Variants in PLAGL1 observed in about 807,000 individuals in gnomAD.
The protein encoded by PLAGL1 is zinc finger protein PLAGL1.
In PLAGL1, 1 loss-of-function variant was observed where a neutral mutation model predicts 4.6. The ratio of observed to expected loss-of-function variants is 0.22; its 90% CI spans 0.08 to 1.03. PLAGL1 has a LOEUF of 1.03. Among genes scored for constraint, PLAGL1 ranks in the 50% least tolerant of loss-of-function variants. The probability of loss-of-function intolerance (pLI) is 0.58; values close to 1 mark genes in which losing one functional copy is unlikely to be tolerated. For missense variants in PLAGL1, 464 were observed against 570.4 expected, an observed-to-expected ratio of 0.81 and a Z score of 1.90; for synonymous variants, 240 against 237.8, an observed-to-expected ratio of 1.01 and a Z score of -0.08.
upstream of PLAGL1, among the ~76,000 whole-genome samples, chr6:144,009,137 T>C (rs762980769): frequency 1.3e-5 from 2 of 152,204 alleles, no homozygotes; most frequent in Non-Finnish European, 2.9e-5. Context: ...TGAGGTTAAT[T>C]AGCATCATAC....
rs1450273636 is a variant in PLAGL1, at chr6:143,989,620, A to G, written c.-583-4446T>C. Among the ~76,000 whole-genome samples the G allele has an allele frequency of 6.6e-6, 1 of 152,188 alleles. No individual in the cohort carries two copies. Among genetic ancestry groups the G allele is most frequent in the African/African-American group, 2.4e-5 (1 of 41,448 alleles). On this transcript the variant is annotated intron_variant, in intron 1 of 7. Transcript: ENST00000674357. This position sits in a 1 kb window ranked among gnomAD's most constrained non-coding sequence, Gnocchi z 4.8. ...ACACCACCAGCTTTCCCGAGTCTCC[A>G]GCTTGCAGACAGTTGACTGTGGGAT...
chr6:143,946,359 C>G (rs1159933710), intron 7 of PLAGL1, among the ~76,000 whole-genome samples: 1 of 152,204 alleles, frequency 6.6e-6, no homozygotes, highest in East Asian at 1.9e-4. Flanking sequence ...CTCACTGTGA[C>G]TCAGTTGCAG....
At chr6:144,009,004 A>G (rs1339395819), upstream of PLAGL1, among the ~76,000 whole-genome samples, 2 of 152,176 alleles carry the variant, frequency 1.3e-5, no homozygotes, top group Non-Finnish European at 2.9e-5. Context: ...GGGAATCTCT[A>G]TTGCTTTCTT....
chr6:143,972,416 T>C lies in PLAGL1; in HGVS notation c.-543-3438A>G, dbSNP rs77222227. Among the ~76,000 whole-genome samples, 1,017 of 152,284 alleles carry C rather than the reference T, an allele frequency of 6.7e-3. 42 individuals are homozygous for C. In the East Asian group the frequency reaches 0.11, roughly 17 times the overall value. On this transcript the variant is annotated intron_variant, in intron 2 of 7. Coordinates refer to ENST00000674357, the MANE Select transcript of PLAGL1 (RefSeq NM_001317162.2). This position sits in a 1 kb window ranked among gnomAD's most constrained non-coding sequence, Gnocchi z 6.8. ...GAGGGGAGATGTGAAAGAAGGTATC[T>C]CAGAGATGTTTCCTTGTGATAATCT...
Position 143,963,909 on chromosome 6 carries a change from C to T in PLAGL1, c.-399+878G>A, listed in dbSNP as rs1479031059. Among the ~76,000 whole-genome samples, 2 of 152,190 alleles carry T rather than the reference C, an allele frequency of 1.3e-5. No individual in the cohort carries two copies. The highest frequency in any genetic ancestry group is 2.4e-5 in the African/African-American group (1 of 41,440). ...TAGCTCATTTAAAACAGGTGGCAGG[C>T]TTTGTAATCCCTTGTATTTTCATCC... On this transcript the variant is annotated intron_variant, in intron 5 of 7. Coordinates refer to ENST00000674357, the MANE Select transcript of PLAGL1 (RefSeq NM_001317162.2). This position sits in a 1 kb window ranked among gnomAD's most constrained non-coding sequence, Gnocchi z 6.1.
In PLAGL1 at chr6:144,028,725, G is replaced by A. The variant is rs190267855; in HGVS notation, c.-151+35743C>T. 2.1e-3 allele frequency among the ~76,000 whole-genome samples: 320 copies of A among 152,268 alleles called. 2 individuals are homozygous for A. Among genetic ancestry groups the A allele is most frequent in the Admixed American group, 3.7e-3 (57 of 15,296 alleles). On this transcript the variant is annotated intron_variant, in intron 1 of 3. Transcript: ENST00000437412. ...TCTTTGCTCTACTTTTGGCTGCTGAGGGTGTAGAGAATGTCAAATACTCAA... is the reference window on the plus strand; with the variant it reads ...TCTTTGCTCTACTTTTGGCTGCTGAAGGTGTAGAGAATGTCAAATACTCAA...
intron 1 of PLAGL1, chr6:144,037,380 C>T (rs1045325709): frequency 5.5e-5 from 8 of 146,194 alleles, no homozygotes; most frequent in African/African-American, 2.1e-4. Flanking sequence ...GAATTCCAGA[C>T]CAGCCTGGAC....
intron 1 of PLAGL1, among the ~76,000 whole-genome samples, chr6:144,042,631 T>G (rs1162552020): frequency 2.0e-5 from 3 of 152,346 alleles, no homozygotes; most frequent in Non-Finnish European, 2.9e-5. Flanking sequence ...TTGTTCTTTT[T>G]GCTTAGGATT....
rs1480137725 is a variant in PLAGL1, at chr6:143,963,166, T to C, written c.-399+1621A>G. Among the ~76,000 whole-genome samples, 1 of 152,200 alleles carries C rather than the reference T, an allele frequency of 6.6e-6. No individual in the cohort carries two copies. Among genetic ancestry groups the C allele is most frequent in the African/African-American group, 2.4e-5 (1 of 41,440 alleles). On this transcript the variant is annotated intron_variant, in intron 5 of 7. Coordinates refer to ENST00000674357, the MANE Select transcript of PLAGL1 (RefSeq NM_001317162.2). This position sits in a 1 kb window ranked among gnomAD's most constrained non-coding sequence, Gnocchi z 6.1. ...GATTTGTGGGCCTGGCAGCTGGTCT[T>C]CTACCTTCTCACATTAATACATGAT...
At chr6:144,001,703 C>T (rs948252293) in intron 1 of PLAGL1, among the ~76,000 whole-genome samples, 15 of 152,128 alleles carry the variant, frequency 9.9e-5, no homozygotes, top group South Asian at 6.2e-4. Flanking sequence ...ACCATCTTGC[C>T]ATGTGATCAA....
At chr6:144,052,371 A>T (rs1241291924) in intron 1 of PLAGL1, among the ~76,000 whole-genome samples, 1 of 152,236 alleles carries the variant, frequency 6.6e-6, no homozygotes, top group Admixed American at 6.5e-5. Context: ...GCAGTGTGAT[A>T]CAAAGAATAG....
intron 1 of PLAGL1, among the ~76,000 whole-genome samples, chr6:143,988,948 T>C (rs1237054248): frequency 6.6e-6 from 1 of 152,190 alleles, no homozygotes; most frequent in Non-Finnish European, 1.5e-5. Context: ...ACACATTCAG[T>C]TCATTGCAAT....
At chr6:144,003,093 C>A (rs1257077968) in intron 1 of PLAGL1, among the ~76,000 whole-genome samples, 1 of 151,838 alleles carries the variant, frequency 6.6e-6, no homozygotes, top group East Asian at 1.9e-4. Flanking sequence ...AGAACAGAGT[C>A]CAGAAACAGA....
intron 1 of PLAGL1, among the ~76,000 whole-genome samples, chr6:144,049,636 G>A (rs539779401): frequency 4.6e-5 from 7 of 152,282 alleles, no homozygotes; most frequent in Admixed American, 3.3e-4. Context: ...TCACTATCAT[G>A]AGAACAGCAT....
rs768421773 is a variant in PLAGL1, at chr6:144,039,076, GAC to G, written c.-151+25390_-151+25391del. On this transcript the variant is annotated intron_variant, in intron 1 of 3. Transcript: ENST00000437412. This position sits in a 1 kb window ranked among gnomAD's most constrained non-coding sequence, Gnocchi z 4.1. ...AGAAGTAGCTCAGGGATAGGGGAAAGACATAAAGTAAAAACACAAGCCACAAA... is the reference window on the plus strand; with the variant it reads ...AGAAGTAGCTCAGGGATAGGGGAAAGATAAAGTAAAAACACAAGCCACAAA... Among the ~76,000 whole-genome samples, 18 of 152,160 alleles carry G rather than the reference GAC, an allele frequency of 1.2e-4. No homozygotes were observed. In the East Asian group the frequency reaches 1.7e-3, roughly 15 times the overall value.
intron 7 of PLAGL1, among the ~76,000 whole-genome samples, chr6:143,944,746 G>C (rs1468047322): frequency 6.6e-6 from 1 of 151,528 alleles, no homozygotes; most frequent in East Asian, 1.9e-4. Flanking sequence ...GAATACATAT[G>C]AAGGGGGGAG....
chr6:143,967,310 C>A (rs1194709750), intron 3 of PLAGL1: 2 of 151,958 alleles, frequency 1.3e-5, no homozygotes. Context: ...AGTGTTAGGG[C>A]CAATTTTACA....
chr6:144,010,249 C>G (rs1562569317), upstream of PLAGL1, among the ~76,000 whole-genome samples: 1 of 152,154 alleles, frequency 6.6e-6, no homozygotes, highest in African/African-American at 2.4e-5. The surrounding 1 kb of genome is among the most constrained non-coding windows in gnomAD (Gnocchi z 4.1). Flanking sequence ...GCAACTTCAG[C>G]AAAGTCTCAG....
chr6:144,045,380 T>C (rs2128720460), intron 1 of PLAGL1, among the ~76,000 whole-genome samples: 1 of 152,326 alleles, frequency 6.6e-6, no homozygotes, highest in Admixed American at 6.5e-5. Context: ...GCAGGCCTGG[T>C]GGTGACAAAA....
Sources: gnomAD v4.1 joint callset for allele counts (sites outside exome capture counted in the v4.1 genomes callset) on GRCh38, gnomAD v4.1.1 for gene constraint, Gnocchi (gnomAD v3.1) non-coding constraint, MANE v1.5 for transcripts, NCBI Gene and HGNC (gene_info 2026-07-23, HGNC 2026-07-21) for gene names.